Variants in WDR17 observed in about 807,000 individuals in gnomAD.
WDR17 encodes WD repeat-containing protein 17.
WDR17 carries 143 observed loss-of-function variants against 161.7 expected under a neutral mutation model. That is an observed-to-expected ratio of 0.88 (90% CI 0.77 to 1.02). The LOEUF (loss-of-function observed/expected upper bound fraction) is 1.02, where lower values mean the gene tolerates loss of function less well. Among genes scored for constraint, WDR17 ranks in the 50% least tolerant of loss-of-function variants. WDR17 has a pLI of 0.00. For synonymous variants in WDR17, 517 were observed against 515.6 expected, an observed-to-expected ratio of 1.00 and a Z score of -0.04; for missense variants, 1,469 against 1,520.9, an observed-to-expected ratio of 0.97 and a Z score of 0.57.
chr4:176,095,383 C>A (rs570200163), intron 1 of WDR17, among the ~76,000 whole-genome samples: 2 of 152,226 alleles, frequency 1.3e-5, no homozygotes, highest in Admixed American at 1.3e-4. Context: ...AAGCAAGAAC[C>A]TATTCCGAAG....
intron 18 of WDR17, among the ~76,000 whole-genome samples, chr4:176,159,484 G>A (rs1002591871): frequency 2.6e-5 from 4 of 151,988 alleles, no homozygotes; most frequent in African/African-American, 9.7e-5. Flanking sequence ...CCTCACTTAA[G>A]GCACTTAAGA....
At chr4:176,133,180 TTTTA>T (rs1320808257) in intron 7 of WDR17, among the ~76,000 whole-genome samples, 3,868 of 90,366 alleles carry the variant, frequency 0.043, 203 homozygotes, top group African/African-American at 0.13. Flanking sequence ...AATTTTTTAT[TTTTA>T]TTTTTTTTTT....
At chr4:176,132,107 T>C (rs1465729817) in intron 7 of WDR17, among the ~76,000 whole-genome samples, 2 of 152,046 alleles carry the variant, frequency 1.3e-5, no homozygotes, top group African/African-American at 2.4e-5. Flanking sequence ...TTGAGTAACG[T>C]TGGATTATGT....
chr4:176,106,842 T>C (rs1310110916), intron 1 of WDR17, among the ~76,000 whole-genome samples: 1 of 152,060 alleles, frequency 6.6e-6, no homozygotes, highest in African/African-American at 2.4e-5. Flanking sequence ...GCCTAGCTAC[T>C]TGGGAGTCTG....
At chr4:176,172,284 A>G (rs890451800) in intron 23 of WDR17, 91 bp from the exon 24 acceptor site, 1 of 1,172,508 alleles carries the variant, frequency 8.5e-7, no homozygotes, top group Non-Finnish European at 1.2e-6. Context: ...AGAAAACCAT[A>G]CTAGGAAAGC....
chr4:176,163,290 T>C lies in WDR17; in HGVS notation c.2987T>C (p.Val996Ala). Residue 996 changes from valine (V) to alanine (A), a missense_variant, in exon 22 of 29, where the codon GTA becomes GCA. Val to Ala is a moderately conservative substitution (Grantham distance 64). Coordinates refer to ENST00000508596, the MANE Select transcript of WDR17 (RefSeq NM_181265.4). ...LLARKCMMIS[V>A]WNLAADLLLM... Reference sequence around the variant, plus strand: ...GCGAGAAAGTGCATGATGATTTCAGTATGGTAAGAATTTTGAAATTCAAAG... The same window carrying C: ...GCGAGAAAGTGCATGATGATTTCAGCATGGTAAGAATTTTGAAATTCAAAG... 1 of 1,598,446 alleles carries C rather than the reference T, an allele frequency of 6.3e-7. No homozygotes were observed. Among genetic ancestry groups the C allele is most frequent in the Non-Finnish European group, 8.5e-7 (1 of 1,175,512 alleles).
Position 176,179,678 on chromosome 4 carries a change from A to AG in WDR17, c.*100dup. 1 of 1,255,546 alleles carries AG rather than the reference A, an allele frequency of 8.0e-7. No individual in the cohort carries two copies. The highest frequency in any genetic ancestry group is 1.0e-6 in the Non-Finnish European group (1 of 964,412). The allele number at this position is 1,255,546 out of a possible 1,614,324, so 77.8% of individuals were successfully genotyped here. A position where few individuals can be genotyped will look rare whatever the true frequency, so the allele number is the denominator to read the frequency against. ...TGTTGCTCAAGTGCCAGAGGTTGGG[A>AG]GAAGGATTGCAGGTTGGGAGAGGTG... On this transcript the variant is annotated 3_prime_UTR_variant, in exon 29 of 29. Coordinates refer to ENST00000508596, the MANE Select transcript of WDR17 (RefSeq NM_181265.4).
In WDR17 at chr4:176,119,924, C is replaced by T. The variant is rs768454869; in HGVS notation, c.365C>T (p.Ser122Phe). The T allele has an allele frequency of 1.2e-6, 2 of 1,614,002 alleles. No individual in the cohort carries two copies. Among genetic ancestry groups the T allele is most frequent in the South Asian group, 2.2e-5 (2 of 91,072 alleles). The change falls in exon 4 of 29, where the codon TCC (serine) becomes TTC (phenylalanine). Residue 122 changes from serine (S) to phenylalanine (F), a missense_variant. Physicochemically the swap from Ser to Phe is radical, Grantham distance 155. Transcript: ENST00000508596. ...GCAGAGGATGTGGTGGCATTTGTTT[C>T]CCACAGAGGCCCACTGTTCATTTGG... ...WNAEDVVAFV[S>F]HRGPLFIWTI... is the part of the protein sequence containing the mutation.
chr4:176,147,183 A>C (rs1247248719), intron 12 of WDR17, among the ~76,000 whole-genome samples: 1 of 152,074 alleles, frequency 6.6e-6, no homozygotes, highest in African/African-American at 2.4e-5. Flanking sequence ...ACTTTATATA[A>C]AGCAGAAAGG....
chr4:176,169,345 A>G lies in WDR17; in HGVS notation c.3102+562A>G, dbSNP rs546121210. Among the ~76,000 whole-genome samples, 5 of 152,292 alleles carry G rather than the reference A, an allele frequency of 3.3e-5. No homozygotes were observed. In the East Asian group the frequency reaches 5.8e-4, roughly 18 times the overall value. On this transcript the variant is annotated intron_variant, in intron 23 of 28. Coordinates refer to ENST00000508596, the MANE Select transcript of WDR17 (RefSeq NM_181265.4). The stretch of plus-strand genomic sequence containing the variant: ...AAAATGTTCAATAGGAAGATTATTT[A>G]TATTAAATTACAGTACTTTTCTATA...
intron 1 of WDR17, among the ~76,000 whole-genome samples, chr4:176,095,330 C>CTTAATTTGTT (rs1266046854): frequency 4.6e-5 from 7 of 152,240 alleles, no homozygotes; most frequent in African/African-American, 1.7e-4. Context: ...GAAATGTTAA[C>CTTAATTTGTT]AAATTAAGCA....
At chr4:176,073,518 G>C (rs1405425745) in intron 1 of WDR17, among the ~76,000 whole-genome samples, 1 of 151,690 alleles carries the variant, frequency 6.6e-6, no homozygotes. Context: ...TGGACATTTG[G>C]ATTGGTTCCA....
chr4:176,080,383 G>A (rs1411615724), intron 1 of WDR17, among the ~76,000 whole-genome samples: 1 of 151,732 alleles, frequency 6.6e-6, no homozygotes, highest in African/African-American at 2.4e-5. Flanking sequence ...TCCAAGGACT[G>A]ATCCCTAGGA....
At chr4:176,168,918 A>C (rs748307859) in intron 23 of WDR17, 135 bp downstream of exon 23, 22 of 905,724 alleles carry the variant, frequency 2.4e-5, no homozygotes, top group Non-Finnish European at 3.4e-5. Context: ...GTACAACAAA[A>C]GTGTTGTACA....
intron 25 of WDR17, among the ~76,000 whole-genome samples, chr4:176,174,202 T>C (rs775918069): frequency 6.6e-6 from 1 of 151,940 alleles, no homozygotes; most frequent in African/African-American, 2.4e-5. Context: ...AAAGCCTAAA[T>C]GGAAAAAATG....
intron 10 of WDR17, among the ~76,000 whole-genome samples, chr4:176,140,827 G>C (rs1745142279): frequency 6.6e-6 from 1 of 151,426 alleles, no homozygotes; most frequent in Non-Finnish European, 1.5e-5. Flanking sequence ...TTTTTTCCTT[G>C]AAAGGAACTA....
chr4:176,144,430 A>G (rs1745841522), intron 11 of WDR17, among the ~76,000 whole-genome samples: 1 of 152,202 alleles, frequency 6.6e-6, no homozygotes. Flanking sequence ...TGTGCCTTGA[A>G]AAAAGGAGAT....
At chr4:176,164,830 T>G (rs1401585382) in intron 22 of WDR17, among the ~76,000 whole-genome samples, 1 of 152,170 alleles carries the variant, frequency 6.6e-6, no homozygotes, top group Admixed American at 6.5e-5. Flanking sequence ...AGTTTCAGAC[T>G]TCAGTGTACT....
chr4:176,071,719 C>T (rs1578973092), intron 1 of WDR17, among the ~76,000 whole-genome samples: 1 of 152,128 alleles, frequency 6.6e-6, no homozygotes, highest in South Asian at 2.1e-4. Flanking sequence ...TTGATCAAAT[C>T]AAAAATTATT....
Sources: gnomAD v4.1 joint callset for allele counts (sites outside exome capture counted in the v4.1 genomes callset) on GRCh38, gnomAD v4.1.1 for gene constraint, MANE v1.5 for transcripts, NCBI Gene and HGNC (gene_info 2026-07-23, HGNC 2026-07-21) for gene names.